The following SCAND3 variants were observed in gnomAD, a reference collection of about 807,000 sequenced individuals.
The protein encoded by SCAND3 is SCAN domain containing 3.
chr6:28,615,734 C>T, the SCAND3 span, among the ~76,000 whole-genome samples: 1 of 152,156 alleles, frequency 6.6e-6, no homozygotes, highest in African/African-American at 2.4e-5. Context: ...TATGACCAGT[C>T]TGGCATAGGA....
the SCAND3 span, among the ~76,000 whole-genome samples, chr6:28,614,934 T>C: frequency 6.6e-6 from 1 of 152,220 alleles, no homozygotes; most frequent in African/African-American, 2.4e-5. Flanking sequence ...TAAAACAATA[T>C]GTTCAAGATA....
the SCAND3 span, among the ~76,000 whole-genome samples, chr6:28,608,189 T>A: frequency 6.6e-6 from 1 of 152,232 alleles, no homozygotes; most frequent in Non-Finnish European, 1.5e-5. Context: ...CAAAGGAGAT[T>A]CATTTAAACC....
At chr6:28,596,669 C>T in the SCAND3 span, among the ~76,000 whole-genome samples, 1 of 151,992 alleles carries the variant, frequency 6.6e-6, no homozygotes, top group Admixed American at 6.6e-5. Flanking sequence ...CAAGTAGAAA[C>T]TATTCAATAT....
At chr6:28,582,969 C>T in the SCAND3 span, among the ~76,000 whole-genome samples, 4 of 151,784 alleles carry the variant, frequency 2.6e-5, no homozygotes, top group Non-Finnish European at 5.9e-5. The surrounding 1 kb of genome is among the most constrained non-coding windows in gnomAD (Gnocchi z 4.8). Flanking sequence ...TATAAAAACT[C>T]TAGTAAAAAT....
the SCAND3 span, among the ~76,000 whole-genome samples, chr6:28,583,460 C>T: frequency 2.0e-5 from 3 of 152,082 alleles, no homozygotes; most frequent in East Asian, 1.9e-4. Context: ...CAAGTGAAGA[C>T]GCTTGAACAT....
chr6:28,595,330 C>CAAAAAAAAAAAAAAAAAAAA, the SCAND3 span, among the ~76,000 whole-genome samples: 4 of 37,328 alleles, frequency 1.1e-4, no homozygotes, highest in Admixed American at 3.7e-4. Flanking sequence ...AACCCAGTCT[C>CAAAAAAAAAAAAAAAAAAAA]AAAAAAAAAA....
chr6:28,572,622 C>T, the SCAND3 span: 1 of 1,613,964 alleles, frequency 6.2e-7, no homozygotes, highest in South Asian at 1.1e-5. This position sits in a 1 kb window ranked among gnomAD's most constrained non-coding sequence, Gnocchi z 4.1. Flanking sequence ...AAAGTTGGGA[C>T]CACATGGGTT....
At chr6:28,589,840 GTTTGTTTT>G in the SCAND3 span, 1 of 124,670 alleles carries the variant, frequency 8.0e-6, no homozygotes, top group Non-Finnish European at 1.7e-5. Flanking sequence ...TGTTTCTTTT[GTTTGTTTT>G]TTTGTTTGTT....
the SCAND3 span, among the ~76,000 whole-genome samples, chr6:28,599,628 C>CACCAT: frequency 6.6e-6 from 1 of 152,150 alleles, no homozygotes; most frequent in East Asian, 1.9e-4. Flanking sequence ...TCTTGTCTGC[C>CACCAT]ACCATGTGAG....
At chr6:28,593,403 G>A in the SCAND3 span, 1 of 150,814 alleles carries the variant, frequency 6.6e-6, no homozygotes, top group African/African-American at 2.4e-5. Flanking sequence ...TGCTGGGCGC[G>A]GTGGCTCACG....
the SCAND3 span, chr6:28,575,622 C>G: frequency 6.2e-7 from 1 of 1,614,048 alleles, no homozygotes; most frequent in East Asian, 2.2e-5. The surrounding 1 kb of genome is among the most constrained non-coding windows in gnomAD (Gnocchi z 4.2). Context: ...ATGTTAGAAC[C>G]TTCTTGAGTT....
chr6:28,607,516 ACT>A, the SCAND3 span, among the ~76,000 whole-genome samples: 14 of 87,520 alleles, frequency 1.6e-4, no homozygotes, highest in African/African-American at 3.9e-4. Flanking sequence ...TGTTTTATTC[ACT>A]GTTTTTTTTT....
the SCAND3 span, among the ~76,000 whole-genome samples, chr6:28,595,099 C>T: frequency 1.3e-5 from 2 of 149,208 alleles, no homozygotes; most frequent in South Asian, 2.1e-4. Flanking sequence ...GGTAATCCCA[C>T]GCCTGCAATC....
chr6:28,612,246 G>A, the SCAND3 span, among the ~76,000 whole-genome samples: 8 of 151,924 alleles, frequency 5.3e-5, no homozygotes, highest in Admixed American at 5.2e-4. Flanking sequence ...CATCGTGTTA[G>A]CCAGGATGGT....
At chr6:28,576,598 T>C in the SCAND3 span, among the ~76,000 whole-genome samples, 2 of 151,920 alleles carry the variant, frequency 1.3e-5, no homozygotes, top group African/African-American at 4.8e-5. Flanking sequence ...AATCCAACTT[T>C]GGTGGAATGA....
At chr6:28,597,343 C>T in the SCAND3 span, among the ~76,000 whole-genome samples, 5 of 152,156 alleles carry the variant, frequency 3.3e-5, no homozygotes, top group African/African-American at 1.2e-4. Context: ...CCAGAAACGA[C>T]GAGGATGGGA....
the SCAND3 span, chr6:28,573,401 C>G: frequency 1.2e-6 from 2 of 1,614,070 alleles, no homozygotes; most frequent in South Asian, 2.2e-5. Context: ...GACTTGGCAA[C>G]CGGAAGTGCT....
At chr6:28,572,144 A>AT in the SCAND3 span, 2 of 1,613,918 alleles carry the variant, frequency 1.2e-6, no homozygotes. This position sits in a 1 kb window ranked among gnomAD's most constrained non-coding sequence, Gnocchi z 4.1. Context: ...TTTATCCAAA[A>AT]TGAAGGAAGT....
At chr6:28,606,383 T>G in the SCAND3 span, among the ~76,000 whole-genome samples, 4 of 152,180 alleles carry the variant, frequency 2.6e-5, no homozygotes, top group African/African-American at 7.2e-5. Flanking sequence ...CTTTAAAATA[T>G]GAGAAGCTTC....
Sources: allele counts gnomAD v4.1 joint callset (sites outside exome capture counted in the v4.1 genomes callset), GRCh38; gene constraint gnomAD v4.1.1; non-coding constraint Gnocchi (gnomAD v3.1); transcripts MANE v1.5; gene names NCBI Gene and HGNC (gene_info 2026-07-23, HGNC 2026-07-21).